ZNF142: variants seen among roughly 807,000 people sequenced by gnomAD.
ZNF142 encodes the protein zinc finger protein 142, also known as zinc finger protein 142 (clone pHZ-49).
In ZNF142, 96 loss-of-function variants were observed where a neutral mutation model predicts 132.1. The observed-to-expected ratio is 0.73, with a 90% CI of 0.62 to 0.86. ZNF142 has a LOEUF of 0.86. ZNF142 is among the 40% of genes least tolerant of loss of function. The pLI is 0.00. For synonymous variants in ZNF142, 842 were observed against 890.1 expected (o/e 0.95, Z 0.96); for missense variants, 2,163 against 2,336.2 (o/e 0.93, Z 1.53).
chr2:218,648,923 T>A lies in ZNF142; in HGVS notation c.1585A>T (p.Thr529Ser). Residue 529 changes from threonine to serine, a missense_variant, in exon 7 of 11, where the codon ACA (threonine) becomes TCA (serine). Physicochemically the swap from Thr to Ser is moderately conservative, Grantham distance 58 (BLOSUM62 1). Transcript: ENST00000411696. ...TGGTGGGCCTCCATGGCTTCGGCTGTGGCAAAGAGCATGGGACATGAGTGA... is the reference window on the plus strand; with the variant it reads ...TGGTGGGCCTCCATGGCTTCGGCTGAGGCAAAGAGCATGGGACATGAGTGA... ...RHHSCPMLFATAEAMEAHHKS... is the reference protein window; with the variant it reads ...RHHSCPMLFASAEAMEAHHKS... 6.2e-7 allele frequency: 1 copy of A among 1,613,798 alleles called. No individual in the cohort carries two copies. Among genetic ancestry groups the A allele is most frequent in the Non-Finnish European group, 8.5e-7 (1 of 1,180,030 alleles).
chr2:218,643,514 A>G lies in ZNF142; in HGVS notation c.3602T>C (p.Leu1201Pro). 2 of 1,611,760 alleles carry G rather than the reference A, an allele frequency of 1.2e-6. No homozygotes were observed. Among genetic ancestry groups the G allele is most frequent in the Non-Finnish European group, 1.7e-6 (2 of 1,178,430 alleles). ...GTTTCCTGCAGGAGGGACTGGGTCA[A>G]GGTGGTGCTTCTTAGGGGCCTCCGT... ...SPTEAPKKHHLDPVPPAGNSS... is the reference protein window; with the variant it reads ...SPTEAPKKHHPDPVPPAGNSS... Residue 1201 changes from leucine to proline, a missense_variant, in exon 9 of 11, where the codon CTT (leucine) becomes CCT (proline). Physicochemically the swap from Leu to Pro is moderately conservative, Grantham distance 98. This residue lies in a region of ZNF142 where 809 missense variants were observed against 801.7 expected (regional missense o/e 1.01). Coordinates refer to ENST00000411696, the MANE Select transcript of ZNF142 (RefSeq NM_001379659.1).
At chr2:218,652,785 A>C (rs1210867258) in intron 4 of ZNF142, among the ~76,000 whole-genome samples, 1 of 152,196 alleles carries the variant, frequency 6.6e-6, no homozygotes, top group Non-Finnish European at 1.5e-5. Flanking sequence ...TTTAAAAGCA[A>C]TGGGCAAGAC....
intron 3 of ZNF142, among the ~76,000 whole-genome samples, chr2:218,657,638 T>G (rs1431453796): frequency 6.6e-6 from 1 of 151,948 alleles, no homozygotes; most frequent in Non-Finnish European, 1.5e-5. Flanking sequence ...CCATGTTGGT[T>G]GGGCTGGTCT....
In ZNF142 at chr2:218,636,567, A is replaced by G. The variant is rs757417571; in HGVS notation, c.*1772T>C. The G allele has an allele frequency of 6.2e-7, 1 of 1,613,832 alleles. No homozygotes were observed. The highest frequency in any genetic ancestry group is 1.1e-5 in the South Asian group (1 of 91,070). On this transcript the variant is annotated 3_prime_UTR_variant, in exon 11 of 11. Transcript: ENST00000411696. ...TGCATCCAGGAAGGCCTGGAGGGGG[A>G]TGAGTCCTGAGGTGGGCATTTCACG...
intron 10 of ZNF142, among the ~76,000 whole-genome samples, chr2:218,639,416 A>G (rs1239851663): frequency 6.6e-6 from 1 of 152,236 alleles, no homozygotes; most frequent in Admixed American, 6.5e-5. Context: ...ACCTGACAGT[A>G]ATGAATACTC....
Position 218,635,920 on chromosome 2 carries a change from T to C in ZNF142, c.*2419A>G. The C allele has an allele frequency of 6.2e-7, 1 of 1,613,988 alleles. No individual in the cohort carries two copies. The highest frequency in any genetic ancestry group is 1.6e-4 in the Middle Eastern group (1 of 6,062). ...ACAGCACGGCAGGAGACCAACTATGTGGAGAACAATGGTGAGAAACTGGCA... is the reference window on the plus strand; with the variant it reads ...ACAGCACGGCAGGAGACCAACTATGCGGAGAACAATGGTGAGAAACTGGCA... On this transcript the variant is annotated 3_prime_UTR_variant, in exon 11 of 11. Transcript: ENST00000411696.
In ZNF142 at chr2:218,638,102, C is replaced by T; in HGVS notation, c.*237G>A. The T allele has an allele frequency of 2.7e-6, 1 of 376,454 alleles. No individual in the cohort carries two copies. The allele number at this position is 376,454 out of a possible 1,614,324, so 23.3% of individuals were successfully genotyped here. A position where few individuals can be genotyped will look rare whatever the true frequency, so the allele number is the denominator to read the frequency against. On this transcript the variant is annotated 3_prime_UTR_variant, in exon 11 of 11. Coordinates refer to ENST00000411696, the MANE Select transcript of ZNF142 (RefSeq NM_001379659.1). The stretch of plus-strand genomic sequence containing the variant: ...GGAGTGATGGTGAAGAAACTGAGAA[C>T]TTGCAGGTTAAAAACGCAATGTACA...
chr2:218,654,096 C>A (rs934142010), intron 4 of ZNF142, among the ~76,000 whole-genome samples: 3 of 152,154 alleles, frequency 2.0e-5, no homozygotes, highest in Non-Finnish European at 2.9e-5. Context: ...TGTGCCGTTA[C>A]TGATGGACAT....
Position 218,656,346 on chromosome 2 carries a change from G to T in ZNF142, c.84C>A (p.Pro28=), listed in dbSNP as rs1333956360. The part of the protein sequence containing the change: ...DGLCPELLLI[P]PPLSNRGILG... ...GGATTCCACGGTTAGAGAGAGGCGG[G>T]GGGATCAGCAATAGCTCAGGGCACA... The change falls in exon 4 of 11, where the codon CCC becomes CCA. Residue 28 remains proline, a synonymous_variant. Transcript: ENST00000411696. The T allele has an allele frequency of 6.3e-7, 1 of 1,585,530 alleles. No individual in the cohort carries two copies. The highest frequency in any genetic ancestry group is 1.7e-5 in the Admixed American group (1 of 57,416).
Position 218,644,804 on chromosome 2 carries a change from C to G in ZNF142, c.2312G>C (p.Arg771Pro), listed in dbSNP as rs540959778. The G allele has an allele frequency of 1.9e-5, 31 of 1,614,200 alleles. 1 individual carries two copies. The South Asian group carries it at 3.4e-4, about 18-fold the overall frequency. ...SHENCKHTRL[R>P]EFHCALCDYR... ...GTCACAGAGGGCACAGTGGAACTCA[C>G]GGAGGCGGGTATGCTTGCAGTTCTC... The change falls in exon 9 of 11, where the codon CGT (arginine) becomes CCT (proline). Residue 771 changes from arginine to proline, a missense_variant. This residue lies in a region of ZNF142 where 749 missense variants were observed against 830.3 expected (regional missense o/e 0.90). Transcript: ENST00000411696. The surrounding 1 kb of genome is among the most constrained non-coding windows in gnomAD (Gnocchi z 4.6).
chr2:218,648,825 G>C lies in ZNF142; in HGVS notation c.1683C>G (p.His561Gln). The C allele has an allele frequency of 6.2e-7, 1 of 1,614,204 alleles. No individual in the cohort carries two copies. Among genetic ancestry groups the C allele is most frequent in the East Asian group, 2.2e-5 (1 of 44,892 alleles). The change falls in exon 7 of 11, where the codon CAC becomes CAG. Residue 561 changes from histidine (H) to glutamine (Q), a missense_variant. Coordinates refer to ENST00000411696, the MANE Select transcript of ZNF142 (RefSeq NM_001379659.1). ...CACTGCCAGGGTGGCCCTGCTTCTTGTGTTTACGGAATAGGTGCTTATTGG... is the reference window on the plus strand; with the variant it reads ...CACTGCCAGGGTGGCCCTGCTTCTTCTGTTTACGGAATAGGTGCTTATTGG... ...ACSNKHLFRKHKKQGHPGSEE... is the reference protein window; with the variant it reads ...ACSNKHLFRKQKKQGHPGSEE...
intron 8 of ZNF142, among the ~76,000 whole-genome samples, chr2:218,645,878 C>A (rs1294955534): frequency 2.6e-5 from 4 of 152,218 alleles, no homozygotes; most frequent in African/African-American, 7.2e-5. Context: ...TCTAGTGCTT[C>A]AGCCTCCCAA....
intron 4 of ZNF142, among the ~76,000 whole-genome samples, chr2:218,653,575 CAA>C (rs34491963): frequency 5.4e-4 from 78 of 144,762 alleles, no homozygotes; most frequent in Middle Eastern, 3.5e-3. Context: ...AACTCTATCT[CAA>C]AAAAAAAAAA....
At position 218,659,305 on chromosome 2, in the gene ZNF142, C is replaced by T. The variant is rs967620458; in HGVS notation, c.-362+64G>A. On this transcript the variant is annotated intron_variant, in intron 1 of 10. Coordinates refer to ENST00000411696, the MANE Select transcript of ZNF142 (RefSeq NM_001379659.1). This position sits in a 1 kb window ranked among gnomAD's most constrained non-coding sequence, Gnocchi z 4.4. ...CACCCTGATCCCGGGGCTCGAAAAA[C>T]TTTGCCTCCAGCTCGCTCCACCCGC... 4.6e-5 allele frequency: 7 copies of T among 153,012 alleles called. No individual in the cohort carries two copies. In the East Asian group the frequency reaches 1.2e-3, roughly 25 times the overall value. 9.5% of individuals were successfully genotyped at this position (153,012 alleles called of 1,614,324 possible).
intron 10 of ZNF142, among the ~76,000 whole-genome samples, chr2:218,640,127 T>C (rs1697065013): frequency 7.4e-6 from 1 of 135,000 alleles, no homozygotes; most frequent in African/African-American, 2.8e-5. Context: ...GTGAAATAAG[T>C]GGCATTCATA....
Position 218,649,028 on chromosome 2 carries a change from T to C in ZNF142, c.1480A>G (p.Ser494Gly), listed in dbSNP as rs1937719939. 1 of 1,612,968 alleles carries C rather than the reference T, an allele frequency of 6.2e-7. No homozygotes were observed. Among genetic ancestry groups the C allele is most frequent in the South Asian group, 1.1e-5 (1 of 91,090 alleles). ...LPLRCFQEGC[S>G]YAAPDRKAFI... ...GCCTTGCGGTCGGGTGCTGCATAGC[T>C]GCAGCCCTCCTGAAAGCAGCGAAGG... Residue 494 changes from serine (S) to glycine (G), a missense_variant, in exon 7 of 11, where the codon AGC becomes GGC. This residue lies in a region of ZNF142 where 749 missense variants were observed against 830.3 expected (regional missense o/e 0.90). Transcript: ENST00000411696.
intron 7 of ZNF142, among the ~76,000 whole-genome samples, chr2:218,648,148 G>C (rs1043020037): frequency 6.6e-6 from 1 of 152,258 alleles, no homozygotes; most frequent in Non-Finnish European, 1.5e-5. Context: ...ACAGTTACGA[G>C]TGCGAGTTAA....
At chr2:218,654,506 A>C (rs1195761929) in intron 4 of ZNF142, among the ~76,000 whole-genome samples, 1 of 151,846 alleles carries the variant, frequency 6.6e-6, no homozygotes, top group Non-Finnish European at 1.5e-5. Flanking sequence ...AGCTGGGATT[A>C]CAGGTGCCCA....
In ZNF142 at chr2:218,643,334, G is replaced by C. The variant is rs1373297557; in HGVS notation, c.3782C>G (p.Thr1261Ser). Residue 1261 changes from threonine (T) to serine (S), a missense_variant, in exon 9 of 11, where the codon ACC (threonine) becomes AGC (serine). Coordinates refer to ENST00000411696, the MANE Select transcript of ZNF142 (RefSeq NM_001379659.1). ...GGACACATCAGGCTGGGTCTGGGGGGTCCCTCGTTTTCCTCCCCCGCCACG... is the reference window on the plus strand; with the variant it reads ...GGACACATCAGGCTGGGTCTGGGGGCTCCCTCGTTTTCCTCCCCCGCCACG... ...GGRGGGGKRG[T>S]PQTQPDVSPL... 2.5e-6 allele frequency: 4 copies of C among 1,614,162 alleles called. No homozygotes were observed. The highest frequency in any genetic ancestry group is 3.4e-6 in the Non-Finnish European group (4 of 1,180,026).
Sources: gnomAD v4.1 joint callset for allele counts (sites outside exome capture counted in the v4.1 genomes callset) on GRCh38, gnomAD v4.1.1 for gene constraint, gnomAD v4.1.1 regional missense constraint, Gnocchi (gnomAD v3.1) non-coding constraint, MANE v1.5 for transcripts, NCBI Gene and HGNC (gene_info 2026-07-23, HGNC 2026-07-21) for gene names.